CAMK1D: variants seen among roughly 807,000 people sequenced by gnomAD.
CAMK1D encodes calcium/calmodulin dependent protein kinase ID, also known as calcium/calmodulin-dependent protein kinase type 1D.
Under a neutral mutation model 47.7 loss-of-function variants are expected in CAMK1D, and 9 were observed. That is an observed-to-expected ratio of 0.19 (90% CI 0.11 to 0.33). The LOEUF (loss-of-function observed/expected upper bound fraction) is 0.33. CAMK1D is among the 10% of genes least tolerant of loss of function. CAMK1D has a pLI of 1.00. For missense variants in CAMK1D, 291 were observed against 488.7 expected, an observed-to-expected ratio of 0.60 and a Z score of 3.81; for synonymous variants, 184 against 184.9, an observed-to-expected ratio of 0.99 and a Z score of 0.04.
chr10:12,664,771 C>A (rs186227240), intron 2 of CAMK1D, among the ~76,000 whole-genome samples: 355 of 152,346 alleles, frequency 2.3e-3, no homozygotes, highest in Non-Finnish European at 3.8e-3. Context: ...CACCGTTTTG[C>A]TACAGTTCAG....
intron 1 of CAMK1D, among the ~76,000 whole-genome samples, chr10:12,491,506 G>T (rs1295721106): frequency 1.3e-5 from 2 of 152,044 alleles, no homozygotes; most frequent in African/African-American, 2.4e-5. Flanking sequence ...TGGGTGGATG[G>T]GAATTTCCTT....
At chr10:12,556,640 A>G (rs1042066002) in intron 2 of CAMK1D, among the ~76,000 whole-genome samples, 1 of 152,158 alleles carries the variant, frequency 6.6e-6, no homozygotes, top group Non-Finnish European at 1.5e-5. Flanking sequence ...CTCCAGGGCA[A>G]AGGGTTCAGG....
chr10:12,373,041 T>G (rs1239275478), intron 1 of CAMK1D, among the ~76,000 whole-genome samples: 1 of 152,214 alleles, frequency 6.6e-6, no homozygotes, highest in Non-Finnish European at 1.5e-5. Context: ...CCACCAGGTA[T>G]TCTTTTAACA....
intron 2 of CAMK1D, among the ~76,000 whole-genome samples, chr10:12,655,487 A>G (rs1445860228): frequency 6.6e-6 from 1 of 152,240 alleles, no homozygotes; most frequent in Non-Finnish European, 1.5e-5. Context: ...ATACACAGTC[A>G]AATCTTAGAA....
intron 3 of CAMK1D, among the ~76,000 whole-genome samples, chr10:12,697,648 C>T (rs1189392661): frequency 2.0e-5 from 3 of 152,226 alleles, no homozygotes; most frequent in Admixed American, 6.5e-5. Flanking sequence ...ATCTGCTCGC[C>T]TTGGCCTCCC....
At chr10:12,444,703 G>A (rs190516140) in intron 1 of CAMK1D, among the ~76,000 whole-genome samples, 203 of 152,310 alleles carry the variant, frequency 1.3e-3, no homozygotes, top group African/African-American at 4.8e-3. Flanking sequence ...TTGAATACAG[G>A]TGCATTCAAA....
At chr10:12,666,933 T>C in intron 3 of CAMK1D, 123 bp downstream of exon 3, 1 of 766,038 alleles carries the variant, frequency 1.3e-6, no homozygotes, top group Non-Finnish European at 2.2e-6. Context: ...CAGGGAGGCC[T>C]GTGGGATACT....
At chr10:12,713,424 G>A (rs537176998) in intron 3 of CAMK1D, among the ~76,000 whole-genome samples, 2 of 152,256 alleles carry the variant, frequency 1.3e-5, no homozygotes, top group South Asian at 2.1e-4. Context: ...TTGCTCCCAC[G>A]AATTCCAGGG....
At chr10:12,692,568 A>G (rs920546179) in intron 3 of CAMK1D, among the ~76,000 whole-genome samples, 4 of 152,234 alleles carry the variant, frequency 2.6e-5, no homozygotes, top group African/African-American at 7.2e-5. Flanking sequence ...TTGAGAAGCC[A>G]TAAACAATAA....
At chr10:12,372,307 C>T (rs551345106) in intron 1 of CAMK1D, among the ~76,000 whole-genome samples, 18 of 152,224 alleles carry the variant, frequency 1.2e-4, no homozygotes, top group Admixed American at 1.2e-3. Context: ...AAAATAGATA[C>T]TCTTGTCACC....
intron 1 of CAMK1D, among the ~76,000 whole-genome samples, chr10:12,470,375 A>G (rs954276969): frequency 3.9e-5 from 6 of 152,174 alleles, no homozygotes. Context: ...TTTTCTGTGC[A>G]TAGTCAACAC....
At chr10:12,517,859 ATGTCTT>A (rs564116695) in intron 1 of CAMK1D, among the ~76,000 whole-genome samples, 186 of 152,256 alleles carry the variant, frequency 1.2e-3, no homozygotes, top group Non-Finnish European at 2.2e-3. Flanking sequence ...ATAACTTTTA[ATGTCTT>A]TGTCTGATTT....
rs1214618322 is a variant in CAMK1D at position 12,801,345 on chromosome 10, C to CT, written c.641+10113dup. Among the ~76,000 whole-genome samples the CT allele has an allele frequency of 9.7e-3, 874 of 90,148 alleles. 2 individuals carry two copies. The highest frequency in any genetic ancestry group is 0.027 in the African/African-American group (481 of 17,896). 59.1% of individuals were successfully genotyped at this position (90,148 alleles called of 152,430 possible). A position where few individuals can be genotyped will look rare whatever the true frequency, so the allele number is the denominator to read the frequency against. ...TCTATCTATCTATCTATCTATCTATCTATCTATCTTATCTATCTATCTATC... is the reference window on the plus strand; with the variant it reads ...TCTATCTATCTATCTATCTATCTATCTTATCTATCTTATCTATCTATCTATC... On this transcript the variant is annotated intron_variant, in intron 6 of 10. Coordinates refer to ENST00000619168, the MANE Select transcript of CAMK1D (RefSeq NM_153498.4).
chr10:12,563,509 C>T (rs968301592), intron 2 of CAMK1D, among the ~76,000 whole-genome samples: 4 of 152,208 alleles, frequency 2.6e-5, no homozygotes, highest in South Asian at 2.1e-4. Context: ...GAAATTCCCT[C>T]ACAGACACAC....
intron 1 of CAMK1D, among the ~76,000 whole-genome samples, chr10:12,508,737 G>T (rs1040177868): frequency 1.3e-5 from 2 of 152,114 alleles, no homozygotes; most frequent in African/African-American, 4.8e-5. Flanking sequence ...CCCATCCTGA[G>T]GCCTCTCTGC....
At chr10:12,714,806 A>ACACACACACACACACACACAC (rs56026879) in intron 3 of CAMK1D, among the ~76,000 whole-genome samples, 3 of 147,400 alleles carry the variant, frequency 2.0e-5, no homozygotes, top group South Asian at 2.2e-4. Context: ...ACACACACAC[A>ACACACACACACACACACACAC]ATGTCTGATT....
intron 3 of CAMK1D, among the ~76,000 whole-genome samples, chr10:12,704,134 C>T (rs1335333439): frequency 6.6e-6 from 1 of 152,182 alleles, no homozygotes; most frequent in African/African-American, 2.4e-5. Context: ...TTAACTCTTA[C>T]TGCAGGTGTG....
chr10:12,532,318 C>T (rs558308763), intron 1 of CAMK1D, among the ~76,000 whole-genome samples: 8 of 149,210 alleles, frequency 5.4e-5, no homozygotes, highest in Non-Finnish European at 7.4e-5. Flanking sequence ...CTCGCTCTGT[C>T]GCCCAGGCTG....
At chr10:12,804,370 T>A (rs1838620854) in intron 6 of CAMK1D, among the ~76,000 whole-genome samples, 1 of 152,012 alleles carries the variant, frequency 6.6e-6, no homozygotes, top group Non-Finnish European at 1.5e-5. Context: ...TCCCAGCACT[T>A]TGGGAGGCAG....
Sources: gnomAD v4.1 joint callset for allele counts (sites outside exome capture counted in the v4.1 genomes callset) on GRCh38, gnomAD v4.1.1 for gene constraint, MANE v1.5 for transcripts, NCBI Gene and HGNC (gene_info 2026-07-23, HGNC 2026-07-21) for gene names.